The following DLGAP1 variants were observed in gnomAD, a reference collection of about 807,000 sequenced individuals.
DLGAP1 encodes the protein DLG associated protein 1, also known as disks large-associated protein 1.
In DLGAP1, 11 loss-of-function variants were observed where a neutral mutation model predicts 90.8. That is an observed-to-expected ratio of 0.12 (90% confidence interval 0.08 to 0.20). The LOEUF is 0.20. DLGAP1 is among the 10% of genes least tolerant of loss of function. The pLI, the probability that DLGAP1 is intolerant of heterozygous loss-of-function variation, is 1.00. For missense variants in DLGAP1, 1,050 were observed against 1,333.8 expected, an observed-to-expected ratio of 0.79 and a Z score of 3.31; for synonymous variants, 558 against 540.7, an observed-to-expected ratio of 1.03 and a Z score of -0.44.
At chr18:4,231,208 A>T (rs2078292494) in intron 1 of DLGAP1, among the ~76,000 whole-genome samples, 1 of 152,090 alleles carries the variant, frequency 6.6e-6, no homozygotes, top group Non-Finnish European at 1.5e-5. Flanking sequence ...ACACGCATAA[A>T]TTTTTCCTTA....
At chr18:3,708,732 AG>A (rs1274199012) in intron 7 of DLGAP1, among the ~76,000 whole-genome samples, 1 of 152,256 alleles carries the variant, frequency 6.6e-6, no homozygotes. Flanking sequence ...AGGATACAAA[AG>A]GACCTGAATT....
intron 2 of DLGAP1, among the ~76,000 whole-genome samples, chr18:4,024,315 T>C (rs1016300021): frequency 2.6e-5 from 4 of 152,212 alleles, no homozygotes; most frequent in Admixed American, 1.3e-4. Context: ...CTTCTGAGAA[T>C]GGAACCCTGA....
At chr18:4,248,295 A>G (rs2078697262) in intron 1 of DLGAP1, among the ~76,000 whole-genome samples, 1 of 152,218 alleles carries the variant, frequency 6.6e-6, no homozygotes, top group South Asian at 2.1e-4. Flanking sequence ...TGAAGAACAG[A>G]GCAGGAGCCC....
chr18:4,185,888 T>C (rs1180988821), intron 1 of DLGAP1, among the ~76,000 whole-genome samples: 2 of 152,170 alleles, frequency 1.3e-5, no homozygotes, highest in African/African-American at 2.4e-5. Flanking sequence ...TTGAACTAGT[T>C]TACACTCCCA....
At chr18:3,904,522 G>A (rs2071853375) in intron 3 of DLGAP1, among the ~76,000 whole-genome samples, 1 of 152,232 alleles carries the variant, frequency 6.6e-6, no homozygotes, top group Non-Finnish European at 1.5e-5. Context: ...CAGAGCCTAA[G>A]TCTATGGAGT....
intron 7 of DLGAP1, among the ~76,000 whole-genome samples, chr18:3,659,391 T>TTATATA (rs1452211498): frequency 1.6e-5 from 1 of 61,380 alleles, no homozygotes; most frequent in Admixed American, 2.3e-4. Context: ...ACACATACAT[T>TTATATA]TATACACACA....
chr18:4,125,605 C>G (rs984899132), intron 2 of DLGAP1, among the ~76,000 whole-genome samples: 1 of 152,064 alleles, frequency 6.6e-6, no homozygotes, highest in African/African-American at 2.4e-5. Flanking sequence ...GTGGTAACCC[C>G]AGGAAGGCTG....
intron 2 of DLGAP1, among the ~76,000 whole-genome samples, chr18:4,126,714 C>T (rs928021894): frequency 2.6e-5 from 4 of 152,292 alleles, no homozygotes; most frequent in Admixed American, 6.5e-5. Context: ...GTCTGTGGTG[C>T]AACCTCACAG....
intron 4 of DLGAP1, among the ~76,000 whole-genome samples, chr18:3,826,134 T>C (rs1303315253): frequency 6.6e-6 from 1 of 152,046 alleles, no homozygotes; most frequent in Non-Finnish European, 1.5e-5. Context: ...AAAGAGGGGA[T>C]GGTGAAGGGC....
rs906371138 is a variant in DLGAP1, at chr18:4,400,224, T to C, written c.-267+54782A>G. Among the ~76,000 whole-genome samples, 4 of 152,294 alleles carry C rather than the reference T, an allele frequency of 2.6e-5. No individual in the cohort carries two copies. In the East Asian group the frequency reaches 7.7e-4, roughly 29 times the overall value. On this transcript the variant is annotated intron_variant, in intron 1 of 12. Transcript: ENST00000315677. ...AGCCAAGCATGGCGTTGGTGTTCCC[T>C]TTAGGACTAGAGGAAACAAAGATTC...
At chr18:4,142,941 C>G (rs1319599168) in intron 2 of DLGAP1, among the ~76,000 whole-genome samples, 1 of 152,160 alleles carries the variant, frequency 6.6e-6, no homozygotes, top group Non-Finnish European at 1.5e-5. Flanking sequence ...GACTCTTGTT[C>G]TCCTCTCTTA....
At chr18:4,444,119 C>CA (rs1271230929) in intron 1 of DLGAP1, among the ~76,000 whole-genome samples, 1 of 152,188 alleles carries the variant, frequency 6.6e-6, no homozygotes, top group Non-Finnish European at 1.5e-5. Context: ...AAGACAGGTG[C>CA]ACTCCACCTG....
chr18:3,944,910 T>A (rs1027049022), intron 3 of DLGAP1, among the ~76,000 whole-genome samples: 1 of 152,238 alleles, frequency 6.6e-6, no homozygotes, highest in Admixed American at 6.5e-5. Flanking sequence ...AGTGTGAATG[T>A]GGCTCTTTTA....
chr18:3,772,346 C>CTCTT lies in DLGAP1; in HGVS notation c.1173-29838_1173-29835dup, dbSNP rs869167707. Reference sequence around the variant, plus strand: ...CCTTTCTCTCCTTCTCTCTCTCTCTCTCTTTCTTTCTTTCTTTCTTTCTTT... The same window carrying CTCTT: ...CCTTTCTCTCCTTCTCTCTCTCTCTCTCTTTCTTTCTTTCTTTCTTTCTTTCTTT... On this transcript the variant is annotated intron_variant, in intron 5 of 12. Coordinates refer to ENST00000315677, the MANE Select transcript of DLGAP1 (RefSeq NM_004746.4). Among the ~76,000 whole-genome samples, 100 of 14,232 alleles carry CTCTT rather than the reference C, an allele frequency of 7.0e-3. 1 individual carries two copies. Among genetic ancestry groups the CTCTT allele is most frequent in the Non-Finnish European group, 0.011 (74 of 6,640 alleles). 9.3% of individuals were successfully genotyped at this position (14,232 alleles called of 152,430 possible). A position where few individuals can be genotyped will look rare whatever the true frequency, so the allele number is the denominator to read the frequency against.
intron 10 of DLGAP1, among the ~76,000 whole-genome samples, chr18:3,525,238 T>A (rs1054564519): frequency 6.6e-6 from 1 of 152,218 alleles, no homozygotes; most frequent in African/African-American, 2.4e-5. Flanking sequence ...ATATCTTGAC[T>A]TATATCAGCC....
Position 4,011,175 on chromosome 18 carries a change from CAAAA to C in DLGAP1, c.-158-5978_-158-5975del, listed in dbSNP as rs35493947. Among the ~76,000 whole-genome samples, 37 of 97,226 alleles carry C rather than the reference CAAAA, an allele frequency of 3.8e-4. No individual in the cohort carries two copies. In the Admixed American group the frequency reaches 4.4e-3, roughly 12 times the overall value. 63.8% of individuals were successfully genotyped at this position (97,226 alleles called of 152,430 possible). A position where few individuals can be genotyped will look rare whatever the true frequency, so the allele number is the denominator to read the frequency against. The stretch of plus-strand genomic sequence containing the variant: ...TGGGAGACAGAGCAAGATTCCGCCT[CAAAA>C]AAAAAAAAAAAAAAAAAAAATCCTT... On this transcript the variant is annotated intron_variant, in intron 2 of 12. Coordinates refer to ENST00000315677, the MANE Select transcript of DLGAP1 (RefSeq NM_004746.4).
At chr18:3,870,376 T>G (rs953888172) in intron 4 of DLGAP1, among the ~76,000 whole-genome samples, 10 of 152,210 alleles carry the variant, frequency 6.6e-5, no homozygotes, top group Non-Finnish European at 1.3e-4. Flanking sequence ...TTTACAATAT[T>G]TCATGTAGCA....
chr18:4,324,491 C>T (rs2080770867), intron 1 of DLGAP1, among the ~76,000 whole-genome samples: 1 of 151,774 alleles, frequency 6.6e-6, no homozygotes. Context: ...AATTGAGGAG[C>T]AGGGACTCCT....
chr18:4,392,798 T>C (rs1040517988), intron 1 of DLGAP1, among the ~76,000 whole-genome samples: 1 of 152,172 alleles, frequency 6.6e-6, no homozygotes, highest in Non-Finnish European at 1.5e-5. Context: ...TCAAAGACGC[T>C]GCAAACTTAG....
Sources: gnomAD v4.1 joint callset for allele counts (sites outside exome capture counted in the v4.1 genomes callset) on GRCh38, gnomAD v4.1.1 for gene constraint, MANE v1.5 for transcripts, NCBI Gene and HGNC (gene_info 2026-07-23, HGNC 2026-07-21) for gene names.